ARB2A: variants seen among roughly 807,000 people sequenced by gnomAD.
The protein encoded by ARB2A is ARB2 cotranscriptional regulator A.
At chr5:93,792,809 C>T in the ARB2A span, among the ~76,000 whole-genome samples, 1 of 151,572 alleles carries the variant, frequency 6.6e-6, no homozygotes, top group Non-Finnish European at 1.5e-5. Flanking sequence ...ATGTAACTAA[C>T]CTGCACATTG....
At chr5:94,094,037 C>T in the ARB2A span, among the ~76,000 whole-genome samples, 1 of 152,152 alleles carries the variant, frequency 6.6e-6, no homozygotes, top group Non-Finnish European at 1.5e-5. Context: ...GTTTGACACT[C>T]TGTTCTCCAG....
the ARB2A span, among the ~76,000 whole-genome samples, chr5:93,779,469 G>A: frequency 6.6e-6 from 1 of 152,074 alleles, no homozygotes; most frequent in Non-Finnish European, 1.5e-5. Context: ...GAGTAGTGAT[G>A]CAGGCAGCCC....
chr5:93,624,869 A>G, the ARB2A span, among the ~76,000 whole-genome samples: 6 of 152,206 alleles, frequency 3.9e-5, no homozygotes, highest in Admixed American at 3.3e-4. Flanking sequence ...TAGAATTTAA[A>G]TATGTTTTAC....
chr5:94,063,272 A>C, the ARB2A span, among the ~76,000 whole-genome samples: 1 of 152,208 alleles, frequency 6.6e-6, no homozygotes, highest in East Asian at 1.9e-4. Flanking sequence ...CTGTCACCTA[A>C]GTACTCCTCC....
the ARB2A span, among the ~76,000 whole-genome samples, chr5:94,100,851 C>T: frequency 1.3e-5 from 2 of 152,160 alleles, no homozygotes; most frequent in South Asian, 4.1e-4. Context: ...ACAACCTAGG[C>T]AATACCATCC....
chr5:93,772,400 T>C, the ARB2A span, among the ~76,000 whole-genome samples: 43 of 152,156 alleles, frequency 2.8e-4, no homozygotes, highest in African/African-American at 1.0e-3. Flanking sequence ...GGCACATGTA[T>C]ACATATGTAA....
the ARB2A span, among the ~76,000 whole-genome samples, chr5:94,109,850 TC>T: frequency 6.7e-6 from 1 of 148,738 alleles, no homozygotes; most frequent in Non-Finnish European, 1.5e-5. Context: ...TCATTCTCTC[TC>T]CCCTTAATTT....
At chr5:93,716,334 T>C in the ARB2A span, among the ~76,000 whole-genome samples, 1 of 152,190 alleles carries the variant, frequency 6.6e-6, no homozygotes, top group South Asian at 2.1e-4. Context: ...GCAAAATTTA[T>C]AAACTACTAT....
the ARB2A span, among the ~76,000 whole-genome samples, chr5:93,996,842 T>G: frequency 1.4e-3 from 206 of 152,206 alleles, no homozygotes; most frequent in African/African-American, 4.3e-3. Context: ...AATCTTCTAC[T>G]GTAAGTCTTC....
At chr5:93,847,693 T>C in the ARB2A span, among the ~76,000 whole-genome samples, 1 of 152,194 alleles carries the variant, frequency 6.6e-6, no homozygotes, top group Non-Finnish European at 1.5e-5. Context: ...TTACAGGTAT[T>C]ACGTACATAT....
chr5:94,081,051 A>G, the ARB2A span, among the ~76,000 whole-genome samples: 1 of 152,234 alleles, frequency 6.6e-6, no homozygotes, highest in African/African-American at 2.4e-5. Flanking sequence ...ACATTTCTTC[A>G]AATATACAAA....
the ARB2A span, among the ~76,000 whole-genome samples, chr5:94,060,284 G>A: frequency 1.3e-4 from 20 of 151,890 alleles, no homozygotes; most frequent in African/African-American, 2.4e-4. Context: ...CCTGGGAGGC[G>A]GAGGTTGCAG....
the ARB2A span, among the ~76,000 whole-genome samples, chr5:93,627,449 T>TG: frequency 6.7e-6 from 1 of 148,800 alleles, no homozygotes; most frequent in African/African-American, 2.5e-5. Context: ...TTTTGTTTTT[T>TG]TTTTTTTTTT....
chr5:94,058,286 A>G, the ARB2A span, among the ~76,000 whole-genome samples: 1 of 152,234 alleles, frequency 6.6e-6, no homozygotes, highest in Non-Finnish European at 1.5e-5. Flanking sequence ...TATTCTTTAA[A>G]GGAATAGAAG....
the ARB2A span, among the ~76,000 whole-genome samples, chr5:93,748,975 A>G: frequency 2.0e-5 from 3 of 152,122 alleles, no homozygotes; most frequent in Admixed American, 1.3e-4. Flanking sequence ...ATCAGCTTTC[A>G]ACATTTTATC....
chr5:94,021,993 C>T, the ARB2A span, among the ~76,000 whole-genome samples: 1 of 152,252 alleles, frequency 6.6e-6, no homozygotes, highest in African/African-American at 2.4e-5. Flanking sequence ...ATCGCTTGAA[C>T]TTGGGAGGCG....
At chr5:93,733,059 A>G in the ARB2A span, among the ~76,000 whole-genome samples, 2 of 152,086 alleles carry the variant, frequency 1.3e-5, no homozygotes, top group Non-Finnish European at 2.9e-5. Flanking sequence ...ACTTTCTATC[A>G]TGTTTAATTT....
chr5:94,062,209 C>T, the ARB2A span, among the ~76,000 whole-genome samples: 1 of 152,024 alleles, frequency 6.6e-6, no homozygotes, highest in Admixed American at 6.6e-5. Context: ...AAGAGGACAT[C>T]AAAATGATAA....
chr5:93,648,959 C>T, the ARB2A span, among the ~76,000 whole-genome samples: 1 of 152,072 alleles, frequency 6.6e-6, no homozygotes, highest in Non-Finnish European at 1.5e-5. Flanking sequence ...TCATTATAAA[C>T]AAATTATTTA....
Sources: allele counts gnomAD v4.1 joint callset (sites outside exome capture counted in the v4.1 genomes callset), GRCh38; gene constraint gnomAD v4.1.1; transcripts MANE v1.5; gene names NCBI Gene and HGNC (gene_info 2026-07-23, HGNC 2026-07-21).